Variants in CENPP observed in about 807,000 individuals in gnomAD.
CENPP encodes the protein centromere protein P.
Under a neutral mutation model 35.6 loss-of-function variants are expected in CENPP, and 24 were observed. That is an observed-to-expected ratio of 0.67 (90% CI 0.49 to 0.95). The LOEUF is 0.95. CENPP is among the 40% of genes least tolerant of loss of function. The pLI is 0.00. For synonymous variants in CENPP, 120 were observed against 125.5 expected, an observed-to-expected ratio of 0.96 and a Z score of 0.29; for missense variants, 332 against 345.3, an observed-to-expected ratio of 0.96 and a Z score of 0.31.
intron 5 of CENPP, chr9:92,392,948 T>G: frequency 1.6e-6 from 1 of 630,070 alleles, no homozygotes; most frequent in Non-Finnish European, 2.7e-6. Context: ...AATGGACTTT[T>G]GTGAAACATG....
chr9:92,521,943 A>G (rs1319716455), intron 5 of CENPP, among the ~76,000 whole-genome samples: 1 of 152,252 alleles, frequency 6.6e-6, no homozygotes, highest in African/African-American at 2.4e-5. Context: ...ATATATGCAT[A>G]GTAAACATAC....
chr9:92,611,009 G>C (rs1369142761), intron 5 of CENPP: 6 of 454,898 alleles, frequency 1.3e-5, no homozygotes, highest in Non-Finnish European at 2.0e-5. Flanking sequence ...GCAGACCAAG[G>C]AGCCATCCCA....
intron 5 of CENPP, among the ~76,000 whole-genome samples, chr9:92,502,923 T>A (rs778004337): frequency 4.1e-5 from 6 of 145,786 alleles, no homozygotes; most frequent in Non-Finnish European, 7.5e-5. Context: ...TCCTACCACC[T>A]CAGTCCCACA....
rs188562066 is a variant in CENPP at position 92,569,764 on chromosome 9, G to T, written c.565-41550G>T. ...GTCCCTTTTTATTTCGTTGAGCAGT[G>T]GTTTGTAGTTCTCCTTGAAGAGGTC... On this transcript the variant is annotated intron_variant, in intron 5 of 7. Transcript: ENST00000375587. Among the ~76,000 whole-genome samples, 462 of 152,206 alleles carry T rather than the reference G, an allele frequency of 3.0e-3. 4 individuals are homozygous for T. The highest frequency in any genetic ancestry group is 0.01 in the African/African-American group (429 of 41,520).
intron 3 of CENPP, among the ~76,000 whole-genome samples, chr9:92,338,175 G>C (rs566691418): frequency 9.2e-5 from 14 of 152,182 alleles, no homozygotes; most frequent in African/African-American, 3.1e-4. Context: ...AGCCAGGCGT[G>C]GTGGTGCGCA....
intron 5 of CENPP, among the ~76,000 whole-genome samples, chr9:92,565,112 C>T (rs557943229): frequency 1.6e-4 from 25 of 152,012 alleles, no homozygotes; most frequent in South Asian, 6.3e-4. Flanking sequence ...CTCCCTACCT[C>T]AACAACAATT....
rs1851505734 is a variant in CENPP at position 92,618,230 on chromosome 9, C to CAGGATGGTTCCA, written c.*5082_*5093dup. The stretch of plus-strand genomic sequence containing the variant: ...AAAGGCCTGGCTAGAGTGCTTTGTG[C>CAGGATGGTTCCA]AGGATGGTTCCAGTGCCTACACCCT... On this transcript the variant is annotated 3_prime_UTR_variant, in exon 8 of 8. Coordinates refer to ENST00000375587, the MANE Select transcript of CENPP (RefSeq NM_001012267.3). The CAGGATGGTTCCA allele has an allele frequency of 2.2e-6, 1 of 456,544 alleles. No individual in the cohort carries two copies. Among genetic ancestry groups the CAGGATGGTTCCA allele is most frequent in the African/African-American group, 2.0e-5 (1 of 50,028 alleles). 28.3% of individuals were successfully genotyped at this position (456,544 alleles called of 1,614,324 possible). A position where few individuals can be genotyped will look rare whatever the true frequency, so the allele number is the denominator to read the frequency against.
chr9:92,468,139 T>A (rs189162586), intron 5 of CENPP, among the ~76,000 whole-genome samples: 2 of 152,346 alleles, frequency 1.3e-5, no homozygotes, highest in African/African-American at 4.8e-5. Context: ...AACCTGTGCG[T>A]CAGTGAGATC....
In CENPP at chr9:92,464,863, G is replaced by A. The variant is rs536558247; in HGVS notation, c.564+85004G>A. On this transcript the variant is annotated intron_variant, in intron 5 of 7. Coordinates refer to ENST00000375587, the MANE Select transcript of CENPP (RefSeq NM_001012267.3). ...ACAGTTTACAATATTAGATTGAATC[G>A]TTATTGAAAGGTGACAACTTTAAAA... The A allele has an allele frequency of 2.3e-5, 28 of 1,223,230 alleles. No homozygotes were observed. The African/African-American group carries it at 2.7e-4, about 12-fold the overall frequency. The allele number at this position is 1,223,230 out of a possible 1,614,324, so 75.8% of individuals were successfully genotyped here.
At chr9:92,527,634 C>T (rs1333703306) in intron 5 of CENPP, among the ~76,000 whole-genome samples, 1 of 152,130 alleles carries the variant, frequency 6.6e-6, no homozygotes, top group Non-Finnish European at 1.5e-5. Flanking sequence ...AACTGAAAAC[C>T]ATGAGCATGA....
chr9:92,611,593 G>T (rs572725167), intron 6 of CENPP, among the ~76,000 whole-genome samples, 200 bp downstream of exon 6: 3 of 152,158 alleles, frequency 2.0e-5, no homozygotes, highest in African/African-American at 7.2e-5. Flanking sequence ...GTGCTGGGCC[G>T]CAGGGGGAAA....
intron 5 of CENPP, among the ~76,000 whole-genome samples, chr9:92,449,170 T>C (rs1180125081): frequency 1.3e-5 from 2 of 151,926 alleles, no homozygotes; most frequent in Non-Finnish European, 1.5e-5. Flanking sequence ...AGGCTGGGTG[T>C]GGTGGCTCAA....
rs112372500 is a variant in CENPP, at chr9:92,554,429, C to A, written c.565-56885C>A. Among the ~76,000 whole-genome samples the A allele has an allele frequency of 5.2e-3, 796 of 152,224 alleles. 12 individuals are homozygous for A. The highest frequency in any genetic ancestry group is 0.018 in the African/African-American group (746 of 41,548). On this transcript the variant is annotated intron_variant, in intron 5 of 7. Coordinates refer to ENST00000375587, the MANE Select transcript of CENPP (RefSeq NM_001012267.3). ...AACTCCTGACCTCAGGTGATCCACC[C>A]GCATCACCCTCCCAAAGTGCTGGGA...
chr9:92,487,883 G>A (rs1440627235), intron 5 of CENPP, among the ~76,000 whole-genome samples: 1 of 152,160 alleles, frequency 6.6e-6, no homozygotes, highest in Non-Finnish European at 1.5e-5. Flanking sequence ...TTGCTCGATA[G>A]CAAGAAACTG....
At chr9:92,482,393 G>T (rs1845942611) in intron 5 of CENPP, 1 of 152,148 alleles carries the variant, frequency 6.6e-6, no homozygotes, top group South Asian at 2.1e-4. Context: ...AAGAAAAGAT[G>T]AGGAGGTATT....
intron 5 of CENPP, among the ~76,000 whole-genome samples, chr9:92,579,181 C>A (rs1161642366): frequency 6.7e-6 from 1 of 148,186 alleles, no homozygotes; most frequent in Admixed American, 6.8e-5. Context: ...GGTACCAGTA[C>A]CATGCTGTTT....
chr9:92,535,136 T>TGGATACTTTTACTTACCTA (rs766072766), intron 5 of CENPP, among the ~76,000 whole-genome samples: 1 of 152,062 alleles, frequency 6.6e-6, no homozygotes, highest in Non-Finnish European at 1.5e-5. Flanking sequence ...TACCCAGAAA[T>TGGATACTTTTACTTACCTA]CTAAATAGAT....
At chr9:92,411,990 A>G (rs188389342) in intron 5 of CENPP, among the ~76,000 whole-genome samples, 39 of 152,306 alleles carry the variant, frequency 2.6e-4, no homozygotes, top group Non-Finnish European at 5.3e-4. Flanking sequence ...TCTTCTCTTT[A>G]TTAAATTCTT....
chr9:92,615,860 T>A lies in CENPP; in HGVS notation c.*2711T>A. The stretch of plus-strand genomic sequence containing the variant: ...GACCTTGTGGAGAACTAATGTGCAA[T>A]CTTCGCTTTCCTTGAACCGAGTCGA... On this transcript the variant is annotated 3_prime_UTR_variant, in exon 8 of 8. Transcript: ENST00000375587. The A allele has an allele frequency of 1.2e-6, 2 of 1,614,082 alleles. No individual in the cohort carries two copies. The highest frequency in any genetic ancestry group is 1.7e-6 in the Non-Finnish European group (2 of 1,179,906).
Sources: gnomAD v4.1 joint callset for allele counts (sites outside exome capture counted in the v4.1 genomes callset) on GRCh38, gnomAD v4.1.1 for gene constraint, MANE v1.5 for transcripts, NCBI Gene and HGNC (gene_info 2026-07-23, HGNC 2026-07-21) for gene names.